HDAC9: variants seen among roughly 807,000 people sequenced by gnomAD.
The protein encoded by HDAC9 is histone deacetylase 9, also known as MEF-2 interacting transcription repressor (MITR) protein.
HDAC9 carries 41 observed loss-of-function variants against 139.4 expected under a neutral mutation model. The ratio of observed to expected loss-of-function variants is 0.29; its 90% CI spans 0.23 to 0.38. The LOEUF (loss-of-function observed/expected upper bound fraction) is 0.38, where lower values mean the gene tolerates loss of function less well. Ranked by LOEUF, HDAC9 falls within the 10% of genes least tolerant of loss-of-function variation. HDAC9 has a pLI of 1.00. For missense variants in HDAC9, 1,147 were observed against 1,297.0 expected (o/e 0.88, Z 1.78); for synonymous variants, 517 against 476.2 (o/e 1.09, Z -1.12).
chr7:18,155,237 C>G (rs1315766192), intron 1 of HDAC9, among the ~76,000 whole-genome samples: 1 of 151,910 alleles, frequency 6.6e-6, no homozygotes, highest in Admixed American at 6.6e-5. Flanking sequence ...AGGGGAGTTG[C>G]AGATAGGGCC....
At chr7:18,414,146 T>C (rs1450396255) in intron 1 of HDAC9, among the ~76,000 whole-genome samples, 1 of 152,204 alleles carries the variant, frequency 6.6e-6, no homozygotes, top group Non-Finnish European at 1.5e-5. Context: ...TGGTTATTTA[T>C]ATTTAATTTC....
At chr7:18,856,014 A>C (rs1797648467) in intron 21 of HDAC9, among the ~76,000 whole-genome samples, 1 of 152,152 alleles carries the variant, frequency 6.6e-6, no homozygotes, top group Non-Finnish European at 1.5e-5. Context: ...AGCACAGACC[A>C]CATTAGCGAG....
chr7:18,947,438 A>G (rs750645246), intron 23 of HDAC9, among the ~76,000 whole-genome samples: 1 of 152,000 alleles, frequency 6.6e-6, no homozygotes, highest in Admixed American at 6.5e-5. Flanking sequence ...TAATGTTATT[A>G]AAAGGATGAC....
intron 2 of HDAC9, among the ~76,000 whole-genome samples, chr7:18,231,554 TAGAG>T (rs1343366892): frequency 6.6e-6 from 1 of 152,218 alleles, no homozygotes; most frequent in African/African-American, 2.4e-5. Flanking sequence ...CATTGCCAAT[TAGAG>T]AGCTCTAGAA....
intron 12 of HDAC9, chr7:18,667,956 T>G (rs1021484230): frequency 2.1e-6 from 2 of 974,906 alleles, no homozygotes; most frequent in Non-Finnish European, 2.4e-6. Flanking sequence ...CTTTGTGAGG[T>G]TTTTTCTATT....
At chr7:18,896,519 G>A (rs1449910644) in intron 22 of HDAC9, among the ~76,000 whole-genome samples, 2 of 152,014 alleles carry the variant, frequency 1.3e-5, no homozygotes, top group Non-Finnish European at 2.9e-5. Context: ...AAGTTCAAAG[G>A]AAGAGAGACA....
intron 22 of HDAC9, among the ~76,000 whole-genome samples, chr7:18,910,373 AG>A (rs1332718562): frequency 1.3e-5 from 2 of 152,018 alleles, no homozygotes; most frequent in Non-Finnish European, 2.9e-5. Context: ...GTATACAGAA[AG>A]ATTACTGATT....
rs76774517 is a variant in HDAC9, at chr7:18,296,857, G to A, written c.-42+6342G>A. ...TCAAGATGACAGTGGTTTAAACACA[G>A]TGTTAGAATGGAGGTTTTATGAACA... On this transcript the variant is annotated intron_variant, in intron 1 of 3. Transcript: ENST00000413509. Among the ~76,000 whole-genome samples, 3 of 152,328 alleles carry A rather than the reference G, an allele frequency of 2.0e-5. No individual in the cohort carries two copies. In the East Asian group the frequency reaches 5.8e-4, roughly 29 times the overall value.
At chr7:18,590,230 C>A in intron 3 of HDAC9, 106 bp from the exon 4 acceptor site, 1 of 1,181,260 alleles carries the variant, frequency 8.5e-7, no homozygotes, top group Non-Finnish European at 1.2e-6. Flanking sequence ...CAAATATGAA[C>A]TAAATACAAA....
intron 21 of HDAC9, among the ~76,000 whole-genome samples, chr7:18,856,240 C>A (rs530034061): frequency 6.6e-6 from 1 of 152,094 alleles, no homozygotes; most frequent in Non-Finnish European, 1.5e-5. Context: ...TTTATAACTG[C>A]AGATCAAGTC....
intron 1 of HDAC9, among the ~76,000 whole-genome samples, chr7:18,101,813 C>A (rs1297037099): frequency 6.6e-6 from 1 of 152,094 alleles, no homozygotes; most frequent in Non-Finnish European, 1.5e-5. Context: ...AATTTACATG[C>A]TTTTAAGTGG....
intron 22 of HDAC9, among the ~76,000 whole-genome samples, chr7:18,891,403 A>C (rs974364095): frequency 6.6e-6 from 1 of 152,170 alleles, no homozygotes; most frequent in Non-Finnish European, 1.5e-5. Context: ...GCATTTTACT[A>C]AGGATCCTGA....
At chr7:18,429,777 T>TGGA (rs1790470113) in intron 1 of HDAC9, among the ~76,000 whole-genome samples, 2 of 152,212 alleles carry the variant, frequency 1.3e-5, no homozygotes, top group African/African-American at 4.8e-5. Context: ...CTATGCTATT[T>TGGA]AGATACACTT....
At chr7:18,610,011 G>C (rs1836668447) in intron 6 of HDAC9, among the ~76,000 whole-genome samples, 1 of 152,096 alleles carries the variant, frequency 6.6e-6, no homozygotes, top group Non-Finnish European at 1.5e-5. Flanking sequence ...CAAGGATCTA[G>C]AACTAGAAAT....
intron 1 of HDAC9, among the ~76,000 whole-genome samples, chr7:18,346,509 A>G (rs569528281): frequency 6.6e-6 from 1 of 152,302 alleles, no homozygotes; most frequent in Admixed American, 6.5e-5. Context: ...ACTAAAAGAT[A>G]TATGTGAATA....
chr7:18,913,770 A>C (rs1802944991), intron 22 of HDAC9, among the ~76,000 whole-genome samples: 1 of 152,086 alleles, frequency 6.6e-6, no homozygotes, highest in African/African-American at 2.4e-5. Context: ...GGATTAAAAA[A>C]CAGTTGGAAG....
intron 19 of HDAC9, among the ~76,000 whole-genome samples, chr7:18,833,176 T>A (rs1795986072): frequency 6.6e-6 from 1 of 152,258 alleles, no homozygotes. Flanking sequence ...TGGATTTATG[T>A]ATTTTAATAA....
chr7:18,543,167 A>C (rs1005927303), intron 2 of HDAC9: 2 of 152,040 alleles, frequency 1.3e-5, no homozygotes, highest in African/African-American at 4.8e-5. Flanking sequence ...TTTTCTCTCT[A>C]GGTTTCCTTC....
chr7:18,281,377 C>G (rs1562830826), intron 2 of HDAC9, among the ~76,000 whole-genome samples: 1 of 152,178 alleles, frequency 6.6e-6, no homozygotes, highest in South Asian at 2.1e-4. Flanking sequence ...CAGATTTACT[C>G]TGCTTAAGTA....
Sources: gnomAD v4.1 joint callset for allele counts (sites outside exome capture counted in the v4.1 genomes callset) on GRCh38, gnomAD v4.1.1 for gene constraint, MANE v1.5 for transcripts, NCBI Gene and HGNC (gene_info 2026-07-23, HGNC 2026-07-21) for gene names.